Variants in POT1 observed in about 807,000 individuals in gnomAD.
The protein encoded by POT1 is protection of telomeres protein 1.
In POT1, 47 loss-of-function variants were observed where a neutral mutation model predicts 78.5. The ratio of observed to expected loss-of-function variants is 0.60; its 90% CI spans 0.47 to 0.76. POT1 has a LOEUF of 0.76. Among genes scored for constraint, POT1 ranks in the 30% least tolerant of loss-of-function variants. POT1 has a pLI of 0.00. For missense variants in POT1, 646 were observed against 749.9 expected, an observed-to-expected ratio of 0.86 and a Z score of 1.62; for synonymous variants, 259 against 260.7, an observed-to-expected ratio of 0.99 and a Z score of 0.06.
At chr7:124,826,577 A>G (rs1191726393) in intron 17 of POT1, among the ~76,000 whole-genome samples, 1 of 152,176 alleles carries the variant, frequency 6.6e-6, no homozygotes, top group African/African-American at 2.4e-5. Context: ...GGAGGTTTAA[A>G]AAGTATGATC....
intron 3 of POT1, among the ~76,000 whole-genome samples, chr7:124,910,944 C>T (rs1796876406): frequency 6.6e-6 from 1 of 151,954 alleles, no homozygotes; most frequent in African/African-American, 2.4e-5. Context: ...ACACACACCT[C>T]TCTCAGAGCA....
chr7:124,918,709 T>C (rs1244643232), intron 2 of POT1, among the ~76,000 whole-genome samples: 1 of 152,116 alleles, frequency 6.6e-6, no homozygotes, highest in Non-Finnish European at 1.5e-5. Context: ...CAGAATTACA[T>C]GTTTACAATT....
In POT1 at chr7:124,923,257, A is replaced by T. The variant is rs181536863; in HGVS notation, c.-227+5558T>A. On this transcript the variant is annotated intron_variant, in intron 2 of 18. Coordinates refer to ENST00000357628, the MANE Select transcript of POT1 (RefSeq NM_015450.3). ...GAGATTCAAGAGAAATCTGAAAACC[A>T]ATACAAAGAAATCAGAAAATGAATT... Among the ~76,000 whole-genome samples, 377 of 152,074 alleles carry T rather than the reference A, an allele frequency of 2.5e-3. 1 individual carries two copies. The highest frequency in any genetic ancestry group is 8.9e-3 in the African/African-American group (368 of 41,556).
rs775456070 is a variant in POT1 at position 124,842,930 on chromosome 7, G to A, written c.1040C>T (p.Pro347Leu). ...TTTTTGTTTCAAAATGGCACATAGT[G>A]GTGTCCTCTCCAAATACTGATGATC... ...LTDHQYLERT[P>L]LCAILKQKAP... The change falls in exon 13 of 19, where the codon CCA becomes CTA. Residue 347 changes from proline (P) to leucine (L), a missense_variant. Physicochemically the swap from Pro to Leu is moderately conservative, Grantham distance 98. Around this residue, in one of 2 missense-constraint regions of POT1, gnomAD observed 394 missense variants for 408.4 expected, o/e 0.96. Coordinates refer to ENST00000357628, the MANE Select transcript of POT1 (RefSeq NM_015450.3). 1 of 1,599,458 alleles carries A rather than the reference G, an allele frequency of 6.3e-7. No individual in the cohort carries two copies. Among genetic ancestry groups the A allele is most frequent in the Non-Finnish European group, 8.5e-7 (1 of 1,175,336 alleles).
At chr7:124,860,894 G>A (rs986009858) in intron 8 of POT1, among the ~76,000 whole-genome samples, 7 of 152,122 alleles carry the variant, frequency 4.6e-5, no homozygotes, top group African/African-American at 1.7e-4. Context: ...GGCTGAGAAT[G>A]ATGGTTTCTA....
At chr7:124,929,773 A>T (rs1797363094) in intron 1 of POT1, 21 bp downstream of exon 1, 1 of 152,282 alleles carries the variant, frequency 6.6e-6, no homozygotes, top group Non-Finnish European at 1.5e-5. Flanking sequence ...GAACACACCA[A>T]ACCTTACAAA....
chr7:124,867,408 A>G (rs1158293714), intron 7 of POT1, among the ~76,000 whole-genome samples: 2 of 152,092 alleles, frequency 1.3e-5, no homozygotes, highest in Non-Finnish European at 2.9e-5. Flanking sequence ...TAACTTACCT[A>G]CCACAATTTC....
chr7:124,849,846 T>C (rs1279155418), intron 11 of POT1, among the ~76,000 whole-genome samples: 1 of 152,152 alleles, frequency 6.6e-6, no homozygotes, highest in African/African-American at 2.4e-5. Context: ...AACTATTTAT[T>C]ATAGTGTGAT....
At chr7:124,913,841 T>C (rs1796950011) in intron 3 of POT1, among the ~76,000 whole-genome samples, 1 of 152,090 alleles carries the variant, frequency 6.6e-6, no homozygotes, top group African/African-American at 2.4e-5. Context: ...GTGATCCTTG[T>C]CAAAAAATTA....
At chr7:124,841,245 A>AT in intron 13 of POT1, 67 bp from the exon 14 acceptor site, 2 of 1,240,228 alleles carry the variant, frequency 1.6e-6, no homozygotes. Flanking sequence ...TCCATTTAAC[A>AT]AGTTATCAAA....
intron 16 of POT1, 124 bp from the exon 17 acceptor site, chr7:124,827,429 A>G (rs1262692508): frequency 2.2e-6 from 1 of 461,552 alleles, no homozygotes; most frequent in Non-Finnish European, 3.7e-6. Context: ...CTCAAGATAC[A>G]AAGAAAAACT....
At chr7:124,861,307 T>A (rs1278434679) in intron 8 of POT1, among the ~76,000 whole-genome samples, 3 of 152,234 alleles carry the variant, frequency 2.0e-5, no homozygotes, top group African/African-American at 7.2e-5. Flanking sequence ...CTAACTGGCG[T>A]GAGATGGTAT....
intron 16 of POT1, chr7:124,828,804 C>G: frequency 2.2e-6 from 1 of 449,902 alleles, no homozygotes; most frequent in Non-Finnish European, 4.5e-6. Context: ...CATGAGATGG[C>G]TGTATCAAAA....
Position 124,848,138 on chromosome 7 carries a change from T to G in POT1, c.950-1140A>C, listed in dbSNP as rs201637924. The stretch of plus-strand genomic sequence containing the variant: ...ATATGATTCAATTTTTTCAAAGTTC[T>G]AGAACAGCAAATCTAGAGGGATTTG... On this transcript the variant is annotated intron_variant, in intron 11 of 18. Transcript: ENST00000357628. Among the ~76,000 whole-genome samples, 7 of 152,296 alleles carry G rather than the reference T, an allele frequency of 4.6e-5. No individual in the cohort carries two copies. The East Asian group carries it at 7.7e-4, about 17-fold the overall frequency.
intron 18 of POT1, among the ~76,000 whole-genome samples, chr7:124,824,980 A>G (rs986645358): frequency 1.3e-5 from 2 of 152,180 alleles, no homozygotes; most frequent in Admixed American, 1.3e-4. Flanking sequence ...TGCTTGTAGC[A>G]TGACAATGTC....
intron 3 of POT1, among the ~76,000 whole-genome samples, chr7:124,913,962 C>T (rs1376374555): frequency 7.2e-5 from 11 of 151,766 alleles, no homozygotes; most frequent in Non-Finnish European, 1.2e-4. Context: ...GGTGAAACCC[C>T]GTCTCTACTA....
At position 124,846,927 on chromosome 7, in the gene POT1, G is replaced by A. The variant is rs1584761470; in HGVS notation, c.1006+15C>T. On this transcript the variant is annotated intron_variant, in intron 12 of 18. Transcript: ENST00000357628. ...TCATTACTGTGCCCATCTCAAAAAT[G>A]ATACATAGTCTTACTTGTAGCAGAT... The A allele has an allele frequency of 1.3e-6, 2 of 1,548,838 alleles. No individual in the cohort carries two copies. Among genetic ancestry groups the A allele is most frequent in the East Asian group, 2.3e-5 (1 of 44,424 alleles).
chr7:124,842,675 A>T (rs1229085125), intron 13 of POT1, 132 bp downstream of exon 13: 8 of 647,764 alleles, frequency 1.2e-5, no homozygotes, highest in Non-Finnish European at 1.1e-5. Context: ...TTACCTAAAA[A>T]ATTTACCATT....
intron 6 of POT1, among the ~76,000 whole-genome samples, chr7:124,882,784 A>G (rs1315825447): frequency 6.6e-6 from 1 of 152,066 alleles, no homozygotes; most frequent in African/African-American, 2.4e-5. Context: ...CTAAATTAGT[A>G]TGCTAATAAT....
Sources: allele counts gnomAD v4.1 joint callset (sites outside exome capture counted in the v4.1 genomes callset), GRCh38; gene constraint gnomAD v4.1.1; regional missense constraint gnomAD v4.1.1; transcripts MANE v1.5; gene names NCBI Gene and HGNC (gene_info 2026-07-23, HGNC 2026-07-21).